TCF20: variants seen among roughly 807,000 people sequenced by gnomAD.
TCF20 encodes transcription factor 20, also known as SPRE-binding protein.
A neutral mutation model predicts 148.6 loss-of-function variants in TCF20; 3 were observed. The ratio of observed to expected loss-of-function variants is 0.02; its 90% CI spans 0.01 to 0.05. TCF20 has a LOEUF of 0.05. Among genes scored for constraint, TCF20 ranks in the 10% least tolerant of loss-of-function variants. TCF20 has a pLI of 1.00. For missense variants in TCF20, 2,350 were observed against 2,429.3 expected (o/e 0.97, Z 0.69); for synonymous variants, 1,049 against 909.5 (o/e 1.15, Z -2.76).
intron 1 of TCF20, among the ~76,000 whole-genome samples, chr22:42,239,495 T>A (rs1366305649): frequency 2.0e-5 from 3 of 150,702 alleles, no homozygotes. Context: ...AAAAAAAGTT[T>A]AAAATATTCA....
chr22:42,225,226 C>T (rs148704559), intron 1 of TCF20, among the ~76,000 whole-genome samples: 2,694 of 152,148 alleles, frequency 0.018, 38 homozygotes, highest in Non-Finnish European at 0.024. Flanking sequence ...GAACTCCTGA[C>T]CTCAAGTGAT....
At chr22:42,173,923 G>A (rs1324098809) in intron 3 of TCF20, among the ~76,000 whole-genome samples, 1 of 152,176 alleles carries the variant, frequency 6.6e-6, no homozygotes, top group East Asian at 1.9e-4. Flanking sequence ...ACCAACTTCT[G>A]TTAAATAGAG....
At chr22:42,242,030 G>A (rs1219047887) in intron 1 of TCF20, among the ~76,000 whole-genome samples, 3 of 151,478 alleles carry the variant, frequency 2.0e-5, no homozygotes, top group East Asian at 1.9e-4. Context: ...GTGAAACCCC[G>A]TGTCTACTAA....
chr22:42,318,797 G>C (rs1027575306), intron 1 of TCF20, among the ~76,000 whole-genome samples: 1 of 152,222 alleles, frequency 6.6e-6, no homozygotes, highest in Non-Finnish European at 1.5e-5. Context: ...AAGGCCTGCT[G>C]TTCATAAGCA....
intron 1 of TCF20, among the ~76,000 whole-genome samples, chr22:42,312,308 C>T (rs1380067038): frequency 1.3e-5 from 2 of 152,216 alleles, no homozygotes; most frequent in African/African-American, 4.8e-5. Context: ...ACAGCCCACA[C>T]AGACATGGCC....
rs1402004076 is a variant in TCF20 at position 42,295,204 on chromosome 22, G to C, written c.-37+48275C>G. 2.6e-5 allele frequency among the ~76,000 whole-genome samples: 4 copies of C among 152,198 alleles called. No homozygotes were observed. In the East Asian group the frequency reaches 7.7e-4, roughly 29 times the overall value. Reference sequence around the variant, plus strand: ...TCCTCCTTGATGGAGAGAGAAGACAGTAACATTTGAGGTGAAGCATACAGC... The same window carrying C: ...TCCTCCTTGATGGAGAGAGAAGACACTAACATTTGAGGTGAAGCATACAGC... On this transcript the variant is annotated intron_variant, in intron 1 of 1. Transcript: ENST00000515426.
intron 1 of TCF20, among the ~76,000 whole-genome samples, chr22:42,231,568 G>A (rs922860302): frequency 6.6e-6 from 1 of 152,088 alleles, no homozygotes; most frequent in African/African-American, 2.4e-5. Flanking sequence ...TGTATTTGTG[G>A]TTTAAGCTAA....
rs185760055 is a variant in TCF20 at position 42,200,815 on chromosome 22, T to C, written c.5655+8836A>G. 1.7e-4 allele frequency among the ~76,000 whole-genome samples: 26 copies of C among 152,300 alleles called. No homozygotes were observed. The East Asian group carries it at 4.8e-3, about 28-fold the overall frequency. ...TCTGCTTCTGATGTCTCCCTACTTA[T>C]TTCCTGAGTTTCCTTTATAAAACAC... On this transcript the variant is annotated intron_variant, in intron 2 of 5. Coordinates refer to ENST00000677622, the MANE Select transcript of TCF20 (RefSeq NM_001378418.1).
chr22:42,225,878 T>TA (rs373582659), intron 1 of TCF20, among the ~76,000 whole-genome samples: 77 of 152,280 alleles, frequency 5.1e-4, no homozygotes, highest in African/African-American at 1.9e-3. Flanking sequence ...ACAGGGTCAC[T>TA]AGCTCAAAAT....
intron 5 of TCF20, among the ~76,000 whole-genome samples, chr22:42,167,424 A>C (rs1935854906): frequency 6.6e-6 from 1 of 152,226 alleles, no homozygotes; most frequent in Admixed American, 6.5e-5. Flanking sequence ...TCGACACAGA[A>C]GTCCTCCCAT....
intron 2 of TCF20, among the ~76,000 whole-genome samples, chr22:42,182,083 C>T (rs1215093471): frequency 2.0e-5 from 3 of 152,198 alleles, no homozygotes; most frequent in Non-Finnish European, 4.4e-5. Context: ...CCTACCATGA[C>T]ACTGTCAAGC....
At chr22:42,323,378 C>T (rs748696182) in intron 1 of TCF20, among the ~76,000 whole-genome samples, 1 of 151,878 alleles carries the variant, frequency 6.6e-6, no homozygotes. Context: ...CAGACAGCAG[C>T]GACTGGATTC....
rs1231465590 is a variant in TCF20 at position 42,211,617 on chromosome 22, G to A, written c.3689C>T (p.Ser1230Phe). The change falls in exon 2 of 6, where the codon TCC (serine) becomes TTC (phenylalanine). Residue 1230 changes from serine (S) to phenylalanine (F), a missense_variant. By Grantham distance (155) the Ser-to-Phe change is radical. This residue lies in a region of TCF20 where 1,641 missense variants were observed against 1,662.6 expected (regional missense o/e 0.99). Transcript: ENST00000677622. Reference sequence around the variant, plus strand: ...TCTCAGCATAACACTACCAGGTTTGGATGACTGTGTAGCCTCAGCTAGTCC... The same window carrying A: ...TCTCAGCATAACACTACCAGGTTTGAATGACTGTGTAGCCTCAGCTAGTCC... Reference protein sequence around the residue: ...GHGLAEATQSSKPGSVMLRLP... With the variant: ...GHGLAEATQSFKPGSVMLRLP... 1.9e-6 allele frequency: 3 copies of A among 1,614,216 alleles called. No individual in the cohort carries two copies. The Admixed American group carries it at 5.0e-5, about 27-fold the overall frequency.
intron 3 of TCF20, 86 bp from the exon 4 acceptor site, chr22:42,169,982 C>T (rs1936023982): frequency 7.1e-7 from 1 of 1,398,740 alleles, no homozygotes; most frequent in East Asian, 2.3e-5. Flanking sequence ...CAGGGTCAGA[C>T]ATAAAGGTAG....
At chr22:42,241,611 G>T (rs1434153158) in intron 1 of TCF20, among the ~76,000 whole-genome samples, 1 of 152,162 alleles carries the variant, frequency 6.6e-6, no homozygotes, top group Non-Finnish European at 1.5e-5. Flanking sequence ...TGGCTCACTT[G>T]AGGCCAGGAG....
intron 1 of TCF20, among the ~76,000 whole-genome samples, chr22:42,261,233 C>T (rs2147374974): frequency 6.6e-6 from 1 of 151,912 alleles, no homozygotes; most frequent in South Asian, 2.1e-4. Flanking sequence ...TTGTTATCTA[C>T]TGTCTCGCTG....
chr22:42,225,208 C>A (rs919982136), intron 1 of TCF20, among the ~76,000 whole-genome samples: 2 of 151,998 alleles, frequency 1.3e-5, no homozygotes, highest in East Asian at 1.9e-4. Flanking sequence ...GTTGGCCAGG[C>A]TGGTCTTGAA....
intron 1 of TCF20, among the ~76,000 whole-genome samples, chr22:42,258,518 A>C (rs951394675): frequency 6.6e-6 from 1 of 152,260 alleles, no homozygotes; most frequent in Non-Finnish European, 1.5e-5. Flanking sequence ...CTGGCTCCTC[A>C]TCAGAATTTA....
At chr22:42,343,281 G>C (rs951712595) in intron 1 of TCF20, among the ~76,000 whole-genome samples, 3 of 152,144 alleles carry the variant, frequency 2.0e-5, no homozygotes, top group Non-Finnish European at 2.9e-5. Flanking sequence ...TCAGAGGAAC[G>C]GTCACCGCTG....
Sources: gnomAD v4.1 joint callset for allele counts (sites outside exome capture counted in the v4.1 genomes callset) on GRCh38, gnomAD v4.1.1 for gene constraint, gnomAD v4.1.1 regional missense constraint, MANE v1.5 for transcripts, NCBI Gene and HGNC (gene_info 2026-07-23, HGNC 2026-07-21) for gene names.